Variants in MDGA2 observed in about 807,000 individuals in gnomAD.
MDGA2 encodes MAM domain-containing glycosylphosphatidylinositol anchor protein 2.
Under a neutral mutation model 117.8 loss-of-function variants are expected in MDGA2, and 40 were observed. The observed-to-expected ratio is 0.34, with a 90% CI of 0.26 to 0.44. The LOEUF (loss-of-function observed/expected upper bound fraction) is 0.44, where lower values mean the gene tolerates loss of function less well. Ranked by LOEUF, MDGA2 falls within the 20% of genes least tolerant of loss-of-function variation. MDGA2 has a pLI of 1.00. For synonymous variants in MDGA2, 452 were observed against 439.0 expected (o/e 1.03, Z -0.37); for missense variants, 1,123 against 1,250.6 (o/e 0.90, Z 1.54).
At chr14:47,008,566 C>T (rs1299177594) in intron 8 of MDGA2, among the ~76,000 whole-genome samples, 2 of 151,742 alleles carry the variant, frequency 1.3e-5, no homozygotes, top group Non-Finnish European at 2.9e-5. Context: ...TATTTAAATC[C>T]TTTATGGGAT....
intron 1 of MDGA2, among the ~76,000 whole-genome samples, chr14:47,385,545 A>G (rs1891737523): frequency 6.6e-6 from 1 of 152,182 alleles, no homozygotes; most frequent in African/African-American, 2.4e-5. Flanking sequence ...AGAGAAGAAC[A>G]CTGATATTAG....
chr14:47,059,274 C>A (rs1256940127), intron 7 of MDGA2: 1 of 1,227,274 alleles, frequency 8.1e-7, no homozygotes, highest in African/African-American at 1.5e-5. Context: ...CTTTGTAGAG[C>A]TTCCATTCTA....
rs559240099 is a variant in MDGA2 at position 47,085,640 on chromosome 14, G to A, written c.1195+11214C>T. On this transcript the variant is annotated intron_variant, in intron 6 of 16. Transcript: ENST00000399232. ...AGTCTTTTTTTTTTTTTTCCAGAGA[G>A]CTGGTTTACCAGCACATCCTGGACC... 7.6e-4 allele frequency among the ~76,000 whole-genome samples: 114 copies of A among 149,094 alleles called. 2 individuals carry two copies. The highest frequency in any genetic ancestry group is 2.7e-3 in the African/African-American group (111 of 40,484).
At chr14:47,369,506 A>G (rs1230346737) in intron 1 of MDGA2, among the ~76,000 whole-genome samples, 1 of 152,008 alleles carries the variant, frequency 6.6e-6, no homozygotes, top group Non-Finnish European at 1.5e-5. Flanking sequence ...AATGTATGAG[A>G]ACTCAGGGTT....
rs1895797132 is a variant in MDGA2 at position 47,561,153 on chromosome 14, G to GGTTTTTTTTTTTTTTTTTTTTTTTT, written c.280+113363_280+113364insAAAAAAAAAAAAAAAAAAAAAAAAC. Among the ~76,000 whole-genome samples the GGTTTTTTTTTTTTTTTTTTTTTTTT allele has an allele frequency of 2.7e-4, 17 of 63,902 alleles. 2 individuals carry two copies. Among genetic ancestry groups the GGTTTTTTTTTTTTTTTTTTTTTTTT allele is most frequent in the Non-Finnish European group, 3.8e-4 (10 of 26,028 alleles). The allele number at this position is 63,902 out of a possible 152,430, so 41.9% of individuals were successfully genotyped here. On this transcript the variant is annotated intron_variant, in intron 1 of 16. Coordinates refer to ENST00000399232, the MANE Select transcript of MDGA2 (RefSeq NM_001113498.3). ...TACCTCTATCTTTGTTTTTTTTTTT[G>GGTTTTTTTTTTTTTTTTTTTTTTTT]TTTTGTTTTGTTTTTTTGTTTGTTT...
chr14:47,138,853 C>T (rs1438456010), intron 4 of MDGA2, among the ~76,000 whole-genome samples: 7 of 151,826 alleles, frequency 4.6e-5, no homozygotes, highest in East Asian at 1.9e-4. Flanking sequence ...AGTGGAAGGA[C>T]GAAAAGTATA....
At chr14:47,008,948 G>T (rs1887804119) in intron 8 of MDGA2, among the ~76,000 whole-genome samples, 1 of 151,858 alleles carries the variant, frequency 6.6e-6, no homozygotes, top group South Asian at 2.1e-4. Context: ...CAAATTAAGT[G>T]ATTATCCTTT....
At chr14:47,580,117 A>C (rs1896202133) in intron 1 of MDGA2, among the ~76,000 whole-genome samples, 1 of 152,096 alleles carries the variant, frequency 6.6e-6, no homozygotes, top group African/African-American at 2.4e-5. Context: ...CCAAAGCTCA[A>C]GTTTTTACAT....
intron 1 of MDGA2, among the ~76,000 whole-genome samples, chr14:47,347,904 A>C (rs540323645): frequency 6.6e-6 from 1 of 152,296 alleles, no homozygotes; most frequent in African/African-American, 2.4e-5. Context: ...ATATAAGGAA[A>C]TGTTCAATAA....
intron 1 of MDGA2, among the ~76,000 whole-genome samples, chr14:47,560,362 C>T (rs1463500479): frequency 6.6e-6 from 1 of 152,210 alleles, no homozygotes; most frequent in Non-Finnish European, 1.5e-5. Context: ...TTAGCCACCG[C>T]GCCCAGCCTA....
chr14:47,453,319 T>C lies in MDGA2; in HGVS notation c.281-151769A>G, dbSNP rs143833235. ...TCATATTTAAATATAAAAATTTTCC[T>C]TACAAAGGGGTGCTGTAGAGTTTCA... On this transcript the variant is annotated intron_variant, in intron 1 of 16. Transcript: ENST00000399232. Among the ~76,000 whole-genome samples the C allele has an allele frequency of 3.1e-3, 473 of 152,236 alleles. 1 individual carries two copies. The highest frequency in any genetic ancestry group is 0.011 in the African/African-American group (450 of 41,566).
intron 3 of MDGA2, among the ~76,000 whole-genome samples, chr14:47,181,143 T>A (rs1365126387): frequency 6.6e-6 from 1 of 152,170 alleles, no homozygotes; most frequent in South Asian, 2.1e-4. Context: ...TACATAGGTA[T>A]ACATGAGCCA....
intron 1 of MDGA2, among the ~76,000 whole-genome samples, chr14:47,411,137 A>T (rs1892363613): frequency 6.6e-6 from 1 of 152,140 alleles, no homozygotes. Flanking sequence ...GTAATCAGAA[A>T]AGGATGATTT....
intron 9 of MDGA2, among the ~76,000 whole-genome samples, chr14:46,932,918 G>A (rs1345368678): frequency 1.3e-5 from 2 of 151,946 alleles, no homozygotes; most frequent in Non-Finnish European, 2.9e-5. Context: ...AGTTAGTTCA[G>A]TAAGGTTGTA....
At chr14:46,984,697 A>G (rs932335235) in intron 8 of MDGA2, among the ~76,000 whole-genome samples, 3 of 152,052 alleles carry the variant, frequency 2.0e-5, no homozygotes, top group Non-Finnish European at 2.9e-5. Flanking sequence ...TAATCATATC[A>G]AAGTACTGAT....
At chr14:46,879,622 A>G (rs576121777) in intron 11 of MDGA2, among the ~76,000 whole-genome samples, 62 of 152,238 alleles carry the variant, frequency 4.1e-4, no homozygotes, top group Non-Finnish European at 7.9e-4. Flanking sequence ...AAGCTAATTA[A>G]CTTTTTAAAA....
chr14:47,245,914 C>G (rs181873819), intron 2 of MDGA2, among the ~76,000 whole-genome samples: 1 of 151,806 alleles, frequency 6.6e-6, no homozygotes, highest in East Asian at 1.9e-4. Flanking sequence ...CTCACAACAA[C>G]TCTACAAAGT....
chr14:47,615,588 A>G (rs542844136), intron 1 of MDGA2, among the ~76,000 whole-genome samples: 40 of 152,314 alleles, frequency 2.6e-4, no homozygotes, highest in Non-Finnish European at 2.9e-5. Context: ...AGATATTTAC[A>G]GGGACTGCAG....
At chr14:47,198,338 T>C (rs973825852) in intron 3 of MDGA2, among the ~76,000 whole-genome samples, 1 of 152,132 alleles carries the variant, frequency 6.6e-6, no homozygotes, top group Non-Finnish European at 1.5e-5. Context: ...TTTGGGAGGC[T>C]GAGGCGGGCA....
Sources: gnomAD v4.1 joint callset for allele counts (sites outside exome capture counted in the v4.1 genomes callset) on GRCh38, gnomAD v4.1.1 for gene constraint, MANE v1.5 for transcripts, NCBI Gene and HGNC (gene_info 2026-07-23, HGNC 2026-07-21) for gene names.